The following RMND5A variants were observed in gnomAD, a reference collection of about 807,000 sequenced individuals.
RMND5A encodes the protein required for meiotic nuclear division 5 homolog A, also known as E3 ubiquitin-protein transferase RMND5A.
RMND5A carries 17 observed loss-of-function variants against 49.7 expected under a neutral mutation model. The observed-to-expected ratio is 0.34, with a 90% CI of 0.23 to 0.51. The LOEUF (loss-of-function observed/expected upper bound fraction) is 0.51. Ranked by LOEUF, RMND5A falls within the 20% of genes least tolerant of loss-of-function variation. The probability of loss-of-function intolerance (pLI) is 0.96; values close to 1 mark genes in which losing one functional copy is unlikely to be tolerated. For missense variants in RMND5A, 255 were observed against 471.3 expected (o/e 0.54, Z 4.25); for synonymous variants, 156 against 167.7 (o/e 0.93, Z 0.54).
At position 86,773,566 on chromosome 2, in the gene RMND5A, A is replaced by AG. The variant is rs1437319485; in HGVS notation, c.*159dup. The AG allele has an allele frequency of 9.9e-6, 5 of 505,182 alleles. No homozygotes were observed. The highest frequency in any genetic ancestry group is 1.8e-5 in the Non-Finnish European group (5 of 274,042). The allele number at this position is 505,182 out of a possible 1,614,324, so 31.3% of individuals were successfully genotyped here. On this transcript the variant is annotated 3_prime_UTR_variant, in exon 9 of 9. Transcript: ENST00000283632. ...CCAACCTGTTAGTGTACACACACTG[A>AG]GGGGAGTGCTCCCGGTGAATATTAT...
chr2:86,745,514 T>A (rs1681523417), intron 2 of RMND5A, among the ~76,000 whole-genome samples: 1 of 152,186 alleles, frequency 6.6e-6, no homozygotes, highest in Admixed American at 6.5e-5. Context: ...GACTCATGTT[T>A]AAGATGCTTC....
intron 8 of RMND5A, among the ~76,000 whole-genome samples, chr2:86,772,685 C>T (rs1178853592): frequency 6.6e-6 from 1 of 151,678 alleles, no homozygotes; most frequent in Non-Finnish European, 1.5e-5. Flanking sequence ...ACCTCTGCCT[C>T]CTGGGTTCAA....
rs1672744377 is a variant in RMND5A, at chr2:86,775,093, T to G, written c.*1682T>G. On this transcript the variant is annotated 3_prime_UTR_variant, in exon 9 of 9. Transcript: ENST00000283632. ...GAGTGCTTGTGTGGTCCAACCTCAG[T>G]CTGGCCCCATAGCGACTTTTGCCCC... is the stretch of plus-strand genomic sequence containing the variant. The G allele has an allele frequency of 6.6e-6, 1 of 152,626 alleles. No individual in the cohort carries two copies. The highest frequency in any genetic ancestry group is 1.5e-5 in the Non-Finnish European group (1 of 68,102). 9.5% of individuals were successfully genotyped at this position (152,626 alleles called of 1,614,324 possible). A position where few individuals can be genotyped will look rare whatever the true frequency, so the allele number is the denominator to read the frequency against.
intron 2 of RMND5A, among the ~76,000 whole-genome samples, chr2:86,749,921 C>A (rs148902001): frequency 3.9e-5 from 6 of 152,046 alleles, no homozygotes; most frequent in African/African-American, 1.4e-4. Flanking sequence ...GAAAAGCACT[C>A]CTGCATTGTG....
At chr2:86,766,533 G>A (rs1210792593) in intron 6 of RMND5A, among the ~76,000 whole-genome samples, 2 of 151,950 alleles carry the variant, frequency 1.3e-5, no homozygotes, top group Non-Finnish European at 1.5e-5. Flanking sequence ...ACGTGGTGGC[G>A]GGTACCTTTA....
intron 2 of RMND5A, among the ~76,000 whole-genome samples, chr2:86,748,783 T>C (rs1172299954): frequency 6.6e-6 from 1 of 152,242 alleles, no homozygotes; most frequent in Non-Finnish European, 1.5e-5. Context: ...TGTTTCAACA[T>C]GATCTGTGCT....
At chr2:86,742,534 G>A (rs1218883423) in intron 2 of RMND5A, among the ~76,000 whole-genome samples, 1 of 148,424 alleles carries the variant, frequency 6.7e-6, no homozygotes, top group Middle Eastern at 3.4e-3. Context: ...TGTGGGAGTG[G>A]TGGTGGGACA....
chr2:86,733,780 CAGTT>C (rs1450867849), intron 1 of RMND5A, among the ~76,000 whole-genome samples: 3 of 132,682 alleles, frequency 2.3e-5, no homozygotes, highest in Non-Finnish European at 4.6e-5. Flanking sequence ...TTGGAAGACA[CAGTT>C]AGTGCAGGAC....
chr2:86,753,417 A>G (rs371682439), intron 3 of RMND5A, 41 bp from the exon 4 acceptor site: 2 of 1,215,230 alleles, frequency 1.6e-6, no homozygotes, highest in East Asian at 4.6e-5. Flanking sequence ...CCTTACCCTG[A>G]TTACTGCTAA....
In RMND5A at chr2:86,776,842, A is replaced by G. The variant is rs916877870; in HGVS notation, c.*3431A>G. On this transcript the variant is annotated 3_prime_UTR_variant, in exon 9 of 9. Transcript: ENST00000283632. Reference sequence around the variant, plus strand: ...TACCTTTCTTTCATCACTTAACTATACGTACTTTATCTCTGGTAACACTAG... The same window carrying G: ...TACCTTTCTTTCATCACTTAACTATGCGTACTTTATCTCTGGTAACACTAG... 6.7e-6 allele frequency: 1 copy of G among 149,116 alleles called. No individual in the cohort carries two copies. The allele number at this position is 149,116 out of a possible 1,614,324, so 9.2% of individuals were successfully genotyped here. A position where few individuals can be genotyped will look rare whatever the true frequency, so the allele number is the denominator to read the frequency against.
chr2:86,742,513 A>G (rs1457445289), intron 2 of RMND5A, among the ~76,000 whole-genome samples: 1 of 144,896 alleles, frequency 6.9e-6, no homozygotes, highest in Non-Finnish European at 1.5e-5. Context: ...GGTGTGTATG[A>G]GCTTAAGAAC....
chr2:86,771,377 A>G, intron 7 of RMND5A, 181 bp from the exon 8 acceptor site: 1 of 491,920 alleles, frequency 2.0e-6, no homozygotes, highest in Non-Finnish European at 3.5e-6. Context: ...ATAATCTTGA[A>G]GGCTAATTTA....
At chr2:86,755,400 G>T (rs575689098) in intron 4 of RMND5A, among the ~76,000 whole-genome samples, 18 of 152,360 alleles carry the variant, frequency 1.2e-4, no homozygotes, top group African/African-American at 3.8e-4. Context: ...GGGATTATAG[G>T]CATGGGCCAA....
rs1242970903 is a variant in RMND5A, at chr2:86,776,768, T to C, written c.*3357T>C. On this transcript the variant is annotated 3_prime_UTR_variant, in exon 9 of 9. Transcript: ENST00000283632. ...TTTCAGGGAAGGCATGGAGGCATAG[T>C]TTGGTTAGTTTCATCACTAGGATGT... 6.6e-6 allele frequency: 1 copy of C among 152,202 alleles called. No individual in the cohort carries two copies. Among genetic ancestry groups the C allele is most frequent in the Non-Finnish European group, 1.5e-5 (1 of 68,040 alleles). The allele number at this position is 152,202 out of a possible 1,614,324, so 9.4% of individuals were successfully genotyped here. A position where few individuals can be genotyped will look rare whatever the true frequency, so the allele number is the denominator to read the frequency against.
intron 8 of RMND5A, among the ~76,000 whole-genome samples, chr2:86,772,941 T>G (rs1672707878): frequency 6.6e-6 from 1 of 152,152 alleles, no homozygotes; most frequent in Non-Finnish European, 1.5e-5. Context: ...ATGTGGGCCG[T>G]TCTTGGTGTG....
At position 86,773,389 on chromosome 2, in the gene RMND5A, A is replaced by T. The variant is rs1385749673; in HGVS notation, c.1154A>T (p.Asp385Val). The change falls in exon 9 of 9, where the codon GAT (aspartate) becomes GTT (valine). Residue 385 changes from aspartate to valine, a missense_variant. By Grantham distance (152) the Asp-to-Val change is radical. Coordinates refer to ENST00000283632, the MANE Select transcript of RMND5A (RefSeq NM_022780.4). ...PYCPMEQSPG[D>V]AKQIFF ...TGTCCAATGGAACAAAGTCCAGGAG[A>T]TGCCAAACAGATATTTTTCTGAAGA... 1.9e-6 allele frequency: 3 copies of T among 1,607,824 alleles called. No individual in the cohort carries two copies. Among genetic ancestry groups the T allele is most frequent in the Non-Finnish European group, 1.7e-6 (2 of 1,174,426 alleles).
chr2:86,753,694 TTTTA>T, intron 4 of RMND5A, 136 bp downstream of exon 4: 1 of 486,626 alleles, frequency 2.1e-6, no homozygotes, highest in Non-Finnish European at 3.6e-6. Flanking sequence ...AGGAGAATTA[TTTTA>T]TTTATTTTGG....
chr2:86,771,536 C>CTTTTTTTTT (rs56328788), intron 7 of RMND5A, 22 bp from the exon 8 acceptor site: 1 of 1,265,984 alleles, frequency 7.9e-7, no homozygotes, highest in Non-Finnish European at 1.1e-6. Flanking sequence ...AGCTTTTTTA[C>CTTTTTTTTT]TTTTTTTTTT....
At chr2:86,771,436 G>A in intron 7 of RMND5A, 122 bp from the exon 8 acceptor site, 2 of 772,866 alleles carry the variant, frequency 2.6e-6, no homozygotes, top group Non-Finnish European at 4.0e-6. Flanking sequence ...GAGTGCTATA[G>A]AAAGTTACAT....
Sources: gnomAD v4.1 joint callset for allele counts (sites outside exome capture counted in the v4.1 genomes callset) on GRCh38, gnomAD v4.1.1 for gene constraint, MANE v1.5 for transcripts, NCBI Gene and HGNC (gene_info 2026-07-23, HGNC 2026-07-21) for gene names.